RAB3GAP1: variants seen among roughly 807,000 people sequenced by gnomAD.
RAB3GAP1 encodes RAB3 GTPase activating protein catalytic subunit 1, also known as rab3 GTPase-activating protein catalytic subunit.
RAB3GAP1 carries 86 observed loss-of-function variants against 130.7 expected under a neutral mutation model. The observed-to-expected ratio is 0.66, with a 90% CI of 0.55 to 0.79. RAB3GAP1 has a LOEUF of 0.79. Ranked by LOEUF, RAB3GAP1 falls within the 30% of genes least tolerant of loss-of-function variation. RAB3GAP1 has a pLI of 0.00. For missense variants in RAB3GAP1, 1,029 were observed against 1,169.4 expected (o/e 0.88, Z 1.75); for synonymous variants, 367 against 401.7 (o/e 0.91, Z 1.03).
At chr2:135,095,848 C>T (rs183410611) in intron 5 of RAB3GAP1, among the ~76,000 whole-genome samples, 135 of 152,028 alleles carry the variant, frequency 8.9e-4, no homozygotes, top group Middle Eastern at 3.4e-3. Context: ...TCTTGGTTAT[C>T]GGATTGACAA....
chr2:135,073,673 T>C (rs1689542838), intron 3 of RAB3GAP1, among the ~76,000 whole-genome samples: 1 of 152,242 alleles, frequency 6.6e-6, no homozygotes, highest in Non-Finnish European at 1.5e-5. Flanking sequence ...TGTGTTTTTC[T>C]TTCTCTTTAG....
chr2:135,138,658 G>A (rs1044333202), intron 17 of RAB3GAP1, among the ~76,000 whole-genome samples: 3 of 151,266 alleles, frequency 2.0e-5, no homozygotes, highest in Non-Finnish European at 2.9e-5. Flanking sequence ...GCATAGGCTG[G>A]AATGCAGTGG....
chr2:135,089,403 T>C (rs1690077759), intron 3 of RAB3GAP1, among the ~76,000 whole-genome samples: 1 of 150,920 alleles, frequency 6.6e-6, no homozygotes, highest in South Asian at 2.1e-4. Flanking sequence ...TGAAATTTAG[T>C]TTTTTCTAAT....
At chr2:135,081,365 C>T (rs200385734) in intron 3 of RAB3GAP1, among the ~76,000 whole-genome samples, 1,728 of 67,582 alleles carry the variant, frequency 0.026, 84 homozygotes, top group African/African-American at 0.13. Context: ...TATATATACA[C>T]ACACGTGTGT....
At chr2:135,160,441 G>A (rs1692433904) in intron 19 of RAB3GAP1, among the ~76,000 whole-genome samples, 1 of 152,048 alleles carries the variant, frequency 6.6e-6, no homozygotes. Flanking sequence ...GGAGGTTGAG[G>A]TAGGTGGATA....
intron 7 of RAB3GAP1, among the ~76,000 whole-genome samples, chr2:135,118,885 A>G (rs1262633752): frequency 1.3e-5 from 2 of 150,286 alleles, no homozygotes; most frequent in African/African-American, 5.0e-5. Flanking sequence ...CAGGAGTGAC[A>G]TGTCCCAGTG....
intron 3 of RAB3GAP1, chr2:135,058,687 T>G (rs920072584): frequency 3.9e-5 from 6 of 152,402 alleles, no homozygotes; most frequent in Non-Finnish European, 8.8e-5. Flanking sequence ...GTATTGGTAG[T>G]TTTATTCATA....
chr2:135,159,935 C>G (rs530175294), intron 19 of RAB3GAP1, among the ~76,000 whole-genome samples: 4 of 152,238 alleles, frequency 2.6e-5, no homozygotes, highest in Admixed American at 2.0e-4. Context: ...CCAGAATAGG[C>G]AAGTCCATAG....
intron 3 of RAB3GAP1, among the ~76,000 whole-genome samples, chr2:135,072,713 A>C (rs377275794): frequency 6.6e-6 from 1 of 152,230 alleles, no homozygotes; most frequent in Non-Finnish European, 1.5e-5. Flanking sequence ...AGAAATTACC[A>C]TACAAGATCC....
At chr2:135,071,010 CAG>C (rs1357648985) in intron 3 of RAB3GAP1, among the ~76,000 whole-genome samples, 1 of 152,070 alleles carries the variant, frequency 6.6e-6, no homozygotes, top group Non-Finnish European at 1.5e-5. Flanking sequence ...TTCATGTTGA[CAG>C]AATTTATATA....
rs543820967 is a variant in RAB3GAP1, at chr2:135,134,430, T to A, written c.1499+397T>A. 2.0e-5 allele frequency among the ~76,000 whole-genome samples: 3 copies of A among 152,358 alleles called. No homozygotes were observed. In the South Asian group the frequency reaches 6.2e-4, roughly 32 times the overall value. On this transcript the variant is annotated intron_variant, in intron 15 of 23. Transcript: ENST00000264158. Reference sequence around the variant, plus strand: ...GAAAAATATTATAAATACTGTGAAATGCTATCAGTTTTTCCCAGTGTGAAA... The same window carrying A: ...GAAAAATATTATAAATACTGTGAAAAGCTATCAGTTTTTCCCAGTGTGAAA...
rs899830610 is a variant in RAB3GAP1 at position 135,162,573 on chromosome 2, A to G, written c.2308A>G (p.Ile770Val). 8 of 1,613,904 alleles carry G rather than the reference A, an allele frequency of 5.0e-6. No individual in the cohort carries two copies. Among genetic ancestry groups the G allele is most frequent in the Middle Eastern group, 3.3e-4 (2 of 6,060 alleles). ...CCTTCAGGTGCTGCACTATCTGGCA[A>G]TCCAGAAACCTGCAGACCTTGCTCG... ...EAEKVLHYLA[I>V]QKPADLARHL... The change falls in exon 20 of 24, where the codon ATC (isoleucine) becomes GTC (valine). Residue 770 changes from isoleucine (I) to valine (V), a missense_variant. Physicochemically the swap from Ile to Val is conservative, Grantham distance 29. This residue lies in a region of RAB3GAP1 where 373 missense variants were observed against 493.6 expected (regional missense o/e 0.76). Transcript: ENST00000264158.
At chr2:135,095,461 A>T (rs1170462379) in intron 5 of RAB3GAP1, among the ~76,000 whole-genome samples, 3 of 152,270 alleles carry the variant, frequency 2.0e-5, no homozygotes, top group Admixed American at 6.5e-5. Flanking sequence ...CAAGCATGGA[A>T]CATTTAAATA....
intron 11 of RAB3GAP1, among the ~76,000 whole-genome samples, chr2:135,127,390 C>T (rs922904906): frequency 2.0e-5 from 3 of 151,762 alleles, no homozygotes; most frequent in African/African-American, 7.3e-5. Context: ...GTCGCCCAGG[C>T]TGGAGTGCAG....
intron 5 of RAB3GAP1, among the ~76,000 whole-genome samples, chr2:135,111,897 T>G (rs1398263755): frequency 6.6e-6 from 1 of 152,256 alleles, no homozygotes; most frequent in Non-Finnish European, 1.5e-5. Flanking sequence ...TTAGCTTCTT[T>G]TTAGTAAAAA....
downstream of RAB3GAP1, among the ~76,000 whole-genome samples, chr2:135,173,176 A>C (rs1327738115): frequency 2.6e-5 from 4 of 152,138 alleles, no homozygotes; most frequent in Non-Finnish European, 5.9e-5. Flanking sequence ...ATGCAGCAAT[A>C]GATAACTAAT....
At chr2:135,137,260 TA>T in intron 17 of RAB3GAP1, 1 of 409,162 alleles carries the variant, frequency 2.4e-6, no homozygotes, top group South Asian at 1.8e-5. Context: ...TGTCTGTAGT[TA>T]AAGGTATTGG....
chr2:135,053,062 G>A (rs963453390), intron 2 of RAB3GAP1, among the ~76,000 whole-genome samples: 3 of 152,206 alleles, frequency 2.0e-5, no homozygotes, highest in African/African-American at 7.2e-5. Context: ...CGAGGTCATA[G>A]CTTACTGCGG....
intron 11 of RAB3GAP1, among the ~76,000 whole-genome samples, chr2:135,127,589 G>A (rs977764728): frequency 9.2e-5 from 14 of 151,984 alleles, no homozygotes; most frequent in Non-Finnish European, 1.3e-4. Context: ...TGATCCGCCC[G>A]CCTCGGCCTC....
Sources: gnomAD v4.1 joint callset for allele counts (sites outside exome capture counted in the v4.1 genomes callset) on GRCh38, gnomAD v4.1.1 for gene constraint, gnomAD v4.1.1 regional missense constraint, MANE v1.5 for transcripts, NCBI Gene and HGNC (gene_info 2026-07-23, HGNC 2026-07-21) for gene names.